SLC35F1: variants seen among roughly 807,000 people sequenced by gnomAD.
SLC35F1 encodes the protein chromosome 6 open reading frame 169.
In SLC35F1, 14 loss-of-function variants were observed where a neutral mutation model predicts 48.7. The observed-to-expected ratio is 0.29, with a 90% CI of 0.19 to 0.45. The LOEUF (loss-of-function observed/expected upper bound fraction) is 0.45. Among genes scored for constraint, SLC35F1 ranks in the 20% least tolerant of loss-of-function variants. The pLI is 1.00. For synonymous variants in SLC35F1, 190 were observed against 202.2 expected, an observed-to-expected ratio of 0.94 and a Z score of 0.51; for missense variants, 404 against 500.0, an observed-to-expected ratio of 0.81 and a Z score of 1.83.
intron 1 of SLC35F1, among the ~76,000 whole-genome samples, chr6:117,939,253 T>C (rs1160704445): frequency 6.6e-6 from 1 of 152,116 alleles, no homozygotes; most frequent in Non-Finnish European, 1.5e-5. Flanking sequence ...AGAGACATGA[T>C]TCAAATGTTT....
chr6:117,998,141 C>G (rs931585388), intron 1 of SLC35F1, among the ~76,000 whole-genome samples: 1 of 149,882 alleles, frequency 6.7e-6, no homozygotes, highest in Non-Finnish European at 1.5e-5. Flanking sequence ...TCTGATAAAA[C>G]AGACTTTAAA....
At chr6:118,086,905 G>A (rs1258719935) in intron 1 of SLC35F1, among the ~76,000 whole-genome samples, 4 of 152,134 alleles carry the variant, frequency 2.6e-5, no homozygotes. Flanking sequence ...TTTAGTCTTA[G>A]AAAGTGTATC....
At chr6:118,159,816 A>G (rs1347858162) in intron 2 of SLC35F1, among the ~76,000 whole-genome samples, 2 of 152,232 alleles carry the variant, frequency 1.3e-5, no homozygotes, top group Non-Finnish European at 2.9e-5. Context: ...TGTTATGACA[A>G]AAATCGTGCT....
At position 117,936,293 on chromosome 6, in the gene SLC35F1, T is replaced by C. The variant is rs114894872; in HGVS notation, c.173+28394T>C. Reference sequence around the variant, plus strand: ...AAGTCTACTGTCCTCACATGCTGTGTAGGTCCAGGGGTGGATGCTTCTGCT... The same window carrying C: ...AAGTCTACTGTCCTCACATGCTGTGCAGGTCCAGGGGTGGATGCTTCTGCT... On this transcript the variant is annotated intron_variant, in intron 1 of 7. Transcript: ENST00000360388. Among the ~76,000 whole-genome samples the C allele has an allele frequency of 9.0e-3, 1,375 of 152,306 alleles. 20 individuals are homozygous for C. The highest frequency in any genetic ancestry group is 0.031 in the African/African-American group (1,307 of 41,550).
At chr6:118,013,819 A>G (rs1376713504) in intron 1 of SLC35F1, among the ~76,000 whole-genome samples, 1 of 152,150 alleles carries the variant, frequency 6.6e-6, no homozygotes, top group Non-Finnish European at 1.5e-5. Flanking sequence ...TTGTGGATCA[A>G]AGTGAAATTA....
At chr6:117,958,758 T>A (rs2114833351) in intron 1 of SLC35F1, among the ~76,000 whole-genome samples, 1 of 152,322 alleles carries the variant, frequency 6.6e-6, no homozygotes, top group Non-Finnish European at 1.5e-5. Flanking sequence ...AGTGATACAT[T>A]TCCCAGAGTG....
intron 2 of SLC35F1, among the ~76,000 whole-genome samples, chr6:118,183,155 A>C (rs1774607696): frequency 6.6e-6 from 1 of 152,166 alleles, no homozygotes; most frequent in Non-Finnish European, 1.5e-5. Flanking sequence ...CTAGCAGTAA[A>C]GTTCTGTATT....
chr6:118,000,989 A>T (rs1777084688), intron 1 of SLC35F1, among the ~76,000 whole-genome samples: 1 of 152,146 alleles, frequency 6.6e-6, no homozygotes, highest in Non-Finnish European at 1.5e-5. Context: ...GCTCATCGGT[A>T]GGAAGAATCA....
intron 1 of SLC35F1, among the ~76,000 whole-genome samples, chr6:118,146,153 A>G (rs953553025): frequency 1.3e-5 from 2 of 152,194 alleles, no homozygotes; most frequent in Non-Finnish European, 2.9e-5. Context: ...CCTCATTTGC[A>G]GAAAGAGATA....
rs369126799 is a variant in SLC35F1, at chr6:118,119,494, G to GCCCCCCC, written c.174-34950_174-34944dup. Among the ~76,000 whole-genome samples, 87 of 52,168 alleles carry GCCCCCCC rather than the reference G, an allele frequency of 1.7e-3. 3 individuals carry two copies. Among genetic ancestry groups the GCCCCCCC allele is most frequent in the Non-Finnish European group, 2.6e-3 (63 of 24,404 alleles). The allele number at this position is 52,168 out of a possible 152,430, so 34.2% of individuals were successfully genotyped here. A position where few individuals can be genotyped will look rare whatever the true frequency, so the allele number is the denominator to read the frequency against. On this transcript the variant is annotated intron_variant, in intron 1 of 7. Coordinates refer to ENST00000360388, the MANE Select transcript of SLC35F1 (RefSeq NM_001029858.4). ...TTTACATGATGCAGTAATAACCGGC[G>GCCCCCCC]CCCCCCCTCCACCCCGCTTTTTTTT...
At chr6:117,970,022 A>T (rs559441794) in intron 1 of SLC35F1, among the ~76,000 whole-genome samples, 1 of 152,328 alleles carries the variant, frequency 6.6e-6, no homozygotes, top group Admixed American at 6.5e-5. Context: ...TTAAAATTTA[A>T]CTTGTAAGGA....
Position 118,056,392 on chromosome 6 carries a change from A to AAAAAT in SLC35F1, c.174-98053_174-98052insAAAAT, listed in dbSNP as rs1772463939. ...GCAGATAAATATACATCTCAAAAGCAGTGCTAGTCTCATCATATTTATTTG... is the reference window on the plus strand; with the variant it reads ...GCAGATAAATATACATCTCAAAAGCAAAAATGTGCTAGTCTCATCATATTTATTTG... On this transcript the variant is annotated intron_variant, in intron 1 of 7. Coordinates refer to ENST00000360388, the MANE Select transcript of SLC35F1 (RefSeq NM_001029858.4). Among the ~76,000 whole-genome samples the AAAAAT allele has an allele frequency of 5.9e-5, 9 of 152,356 alleles. No homozygotes were observed. The South Asian group carries it at 1.9e-3, about 32-fold the overall frequency.
At chr6:118,206,450 G>C (rs1562325143) in intron 2 of SLC35F1, among the ~76,000 whole-genome samples, 1 of 152,146 alleles carries the variant, frequency 6.6e-6, no homozygotes, top group Non-Finnish European at 1.5e-5. Context: ...TCAGCACTGT[G>C]GGTTAGTGCA....
At chr6:118,159,867 C>T (rs1774203702) in intron 2 of SLC35F1, among the ~76,000 whole-genome samples, 1 of 152,116 alleles carries the variant, frequency 6.6e-6, no homozygotes, top group Admixed American at 6.5e-5. Context: ...TAATAGATAC[C>T]CATGATTCCT....
intron 7 of SLC35F1, among the ~76,000 whole-genome samples, chr6:118,297,847 C>G (rs1776211271): frequency 6.7e-6 from 1 of 149,830 alleles, no homozygotes; most frequent in African/African-American, 2.5e-5. Flanking sequence ...CCCTCAAAAT[C>G]TCATGTTGAA....
chr6:118,144,989 A>G (rs180806133), intron 1 of SLC35F1, among the ~76,000 whole-genome samples: 6 of 152,248 alleles, frequency 3.9e-5, no homozygotes, highest in South Asian at 2.1e-4. Flanking sequence ...CATACAATTT[A>G]CCCATTTAAA....
At chr6:118,213,948 A>T (rs455338) in intron 2 of SLC35F1, among the ~76,000 whole-genome samples, 10,128 of 152,264 alleles carry the variant, frequency 0.067, 398 homozygotes, top group South Asian at 0.12. Context: ...TTAATTTTAC[A>T]TTGTTCTTTA....
At chr6:118,162,792 G>A (rs1219287465) in intron 2 of SLC35F1, among the ~76,000 whole-genome samples, 1 of 152,096 alleles carries the variant, frequency 6.6e-6, no homozygotes, top group Non-Finnish European at 1.5e-5. Flanking sequence ...GAACTATCAA[G>A]CTTAAGTCCA....
intron 1 of SLC35F1, among the ~76,000 whole-genome samples, chr6:118,106,762 A>T (rs1334376940): frequency 6.6e-6 from 1 of 152,120 alleles, no homozygotes; most frequent in Non-Finnish European, 1.5e-5. Flanking sequence ...TATGCCTCCA[A>T]CTCAGATTTT....
Sources: gnomAD v4.1 joint callset for allele counts (sites outside exome capture counted in the v4.1 genomes callset) on GRCh38, gnomAD v4.1.1 for gene constraint, MANE v1.5 for transcripts, NCBI Gene and HGNC (gene_info 2026-07-23, HGNC 2026-07-21) for gene names.